ERV3-1: variants seen among roughly 807,000 people sequenced by gnomAD.
ERV3-1 encodes the protein endogenous retrovirus group 3 member 1 Env polyprotein.
Under a neutral mutation model 24.6 loss-of-function variants are expected in ERV3-1, and 36 were observed. The ratio of observed to expected loss-of-function variants is 1.47; its 90% CI spans 1.12 to 1.94. The LOEUF (loss-of-function observed/expected upper bound fraction) is 1.94, where lower values mean the gene tolerates loss of function less well. ERV3-1 is among the 30% of genes most tolerant of loss of function. The pLI is 0.00. For missense variants in ERV3-1, 578 were observed against 330.9 expected, an observed-to-expected ratio of 1.75 and a Z score of -5.79; for synonymous variants, 211 against 122.6, an observed-to-expected ratio of 1.72 and a Z score of -4.76.
chr7:65,001,979 T>G (rs1051024637), intron 1 of ERV3-1, among the ~76,000 whole-genome samples: 4 of 152,162 alleles, frequency 2.6e-5, no homozygotes, highest in African/African-American at 9.7e-5. Context: ...AGTTCAATAA[T>G]TTTATAGAGC....
chr7:64,992,400 C>T lies in ERV3-1; in HGVS notation c.627G>A (p.Gln209=). 1.3e-6 allele frequency: 1 copy of T among 766,402 alleles called. No homozygotes were observed. The highest frequency in any genetic ancestry group is 2.4e-6 in the Non-Finnish European group (1 of 417,910). 47.5% of individuals were successfully genotyped at this position (766,402 alleles called of 1,614,324 possible). A position where few individuals can be genotyped will look rare whatever the true frequency, so the allele number is the denominator to read the frequency against. The change falls in exon 2 of 2, where the codon CAG becomes CAA. Residue 209 remains glutamine, a synonymous_variant. Coordinates refer to ENST00000394323, the MANE Select transcript of ERV3-1 (RefSeq NM_001007253.4). ...SVNLTILEPD[Q]PIWTTGLKAP... ...CTTTTAAACCTGTTGTCCATATGGG[C>T]TGATCTGGCTCTAAGATGGTAAGAT...
Position 64,991,683 on chromosome 7 carries a change from T to A in ERV3-1, c.1344A>T (p.Leu448=). The A allele has an allele frequency of 1.4e-6, 1 of 733,516 alleles. No homozygotes were observed. The allele number at this position is 733,516 out of a possible 1,614,324, so 45.4% of individuals were successfully genotyped here. A position where few individuals can be genotyped will look rare whatever the true frequency, so the allele number is the denominator to read the frequency against. Residue 448 remains leucine (L), a synonymous_variant, in exon 2 of 2, where the codon CTA becomes CTT. Transcript: ENST00000394323. Reference sequence around the variant, plus strand: ...AGGCTTCTCCCTGTTTTAGGGGCATTAGGAAGAAGGACGGCCTAATTGTCC... The same window carrying A: ...AGGCTTCTCCCTGTTTTAGGGGCATAAGGAAGAAGGACGGCCTAATTGTCC... ...VLGTIRPSFF[L]MPLKQGEALG...
chr7:65,001,096 T>A (rs1056903344), intron 1 of ERV3-1, among the ~76,000 whole-genome samples: 1 of 145,600 alleles, frequency 6.9e-6, no homozygotes, highest in Non-Finnish European at 1.5e-5. Flanking sequence ...CTATGCTTAG[T>A]ACCTCAGTGA....
At chr7:64,997,032 C>T (rs146961815) in intron 1 of ERV3-1, among the ~76,000 whole-genome samples, 1 of 152,352 alleles carries the variant, frequency 6.6e-6, no homozygotes, top group Non-Finnish European at 1.5e-5. Context: ...TCATTGCCCT[C>T]TGGACATTCA....
rs1165002991 is a variant in ERV3-1, at chr7:64,992,393, A to G, written c.634T>C (p.Trp212Arg). 1 of 766,338 alleles carries G rather than the reference A, an allele frequency of 1.3e-6. No individual in the cohort carries two copies. Among genetic ancestry groups the G allele is most frequent in the Non-Finnish European group, 2.4e-6 (1 of 417,888 alleles). 47.5% of individuals were successfully genotyped at this position (766,338 alleles called of 1,614,324 possible). Residue 212 changes from tryptophan (W) to arginine (R), a missense_variant, in exon 2 of 2, where the codon TGG (tryptophan) becomes CGG (arginine). Coordinates refer to ENST00000394323, the MANE Select transcript of ERV3-1 (RefSeq NM_001007253.4). ...AGCGGTGCTTTTAAACCTGTTGTCC[A>G]TATGGGCTGATCTGGCTCTAAGATG... is the stretch of plus-strand genomic sequence containing the variant. ...LTILEPDQPIWTTGLKAPLGA... is the reference protein window; with the variant it reads ...LTILEPDQPIRTTGLKAPLGA...
chr7:64,994,756 T>C (rs1294526684), intron 1 of ERV3-1, among the ~76,000 whole-genome samples: 2 of 152,248 alleles, frequency 1.3e-5, no homozygotes, highest in Non-Finnish European at 2.9e-5. Context: ...TTGGAATCCG[T>C]GTAAACACTG....
chr7:64,992,854 A>C lies in ERV3-1; in HGVS notation c.173T>G (p.Leu58Arg). The C allele has an allele frequency of 1.3e-6, 1 of 766,358 alleles. No homozygotes were observed. Among genetic ancestry groups the C allele is most frequent in the Non-Finnish European group, 2.4e-6 (1 of 417,886 alleles). The allele number at this position is 766,358 out of a possible 1,614,324, so 47.5% of individuals were successfully genotyped here. ...HTYYECAGTC[L>R]GTCTHNQTTY... Reference sequence around the variant, plus strand: ...TGTCTGGTTGTGAGTACAAGTTCCTAGGCAGGTCCCAGCACACTCATAATA... The same window carrying C: ...TGTCTGGTTGTGAGTACAAGTTCCTCGGCAGGTCCCAGCACACTCATAATA... The change falls in exon 2 of 2, where the codon CTA (leucine) becomes CGA (arginine). Residue 58 changes from leucine (L) to arginine (R), a missense_variant. By Grantham distance (102) the Leu-to-Arg change is moderately radical (BLOSUM62 -2). Transcript: ENST00000394323.
intron 1 of ERV3-1, among the ~76,000 whole-genome samples, chr7:64,998,417 A>AT (rs1251849289): frequency 1.3e-5 from 2 of 152,172 alleles, no homozygotes; most frequent in Admixed American, 6.5e-5. Flanking sequence ...TACACGGCCA[A>AT]TTTTTTCCCT....
At chr7:65,004,571 T>G (rs1786596761) in intron 1 of ERV3-1, 1 of 152,198 alleles carries the variant, frequency 6.6e-6, no homozygotes, top group Admixed American at 6.5e-5. Flanking sequence ...TTCTTACCTT[T>G]TAAGCCCTAC....
In ERV3-1 at chr7:64,992,739, G is replaced by A. The variant is rs200164912; in HGVS notation, c.288C>T (p.Val96=). 5.6e-4 allele frequency: 426 copies of A among 766,338 alleles called. 3 individuals are homozygous for A. Among genetic ancestry groups the A allele is most frequent in the Admixed American group, 7.8e-4 (46 of 59,018 alleles). The allele number at this position is 766,338 out of a possible 1,614,324, so 47.5% of individuals were successfully genotyped here. A position where few individuals can be genotyped will look rare whatever the true frequency, so the allele number is the denominator to read the frequency against. Residue 96 remains valine (V), a synonymous_variant, in exon 2 of 2, where the codon GTC becomes GTT. Transcript: ENST00000394323. ...TTAGAAGATCCCCTTCCTTTGACCC[G>A]ACATGAATTTCAAACCAGGTCCCAG... ...SSPGTWFEIH[V]GSKEGDLLNQ... is the part of the protein sequence containing the mutation.
rs906722741 is a variant in ERV3-1 at position 64,993,200 on chromosome 7, T to C, written c.-174A>G. 5 of 587,916 alleles carry C rather than the reference T, an allele frequency of 8.5e-6. No homozygotes were observed. The highest frequency in any genetic ancestry group is 1.9e-5 in the African/African-American group (1 of 53,632). 36.4% of individuals were successfully genotyped at this position (587,916 alleles called of 1,614,324 possible). A position where few individuals can be genotyped will look rare whatever the true frequency, so the allele number is the denominator to read the frequency against. ...TAGACTAGTCAGCTTCTGGGGTGAC[T>C]AGAGCAGGGCTGTTGTCTCCTCAAG... On this transcript the variant is annotated 5_prime_UTR_variant, in exon 2 of 2. Transcript: ENST00000394323.
chr7:64,998,242 T>G (rs1786446706), intron 1 of ERV3-1, among the ~76,000 whole-genome samples: 1 of 152,212 alleles, frequency 6.6e-6, no homozygotes, highest in Non-Finnish European at 1.5e-5. Context: ...AAGCTGATTT[T>G]TCTTTTACTT....
In ERV3-1 at chr7:64,996,655, G is replaced by A. The variant is rs115755556; in HGVS notation, c.-388-3241C>T. ...TTCCTAGTAGAGGCACTGGATAATT[G>A]GGGAGATACAGGAATTTATGTTGGA... On this transcript the variant is annotated intron_variant, in intron 1 of 1. Transcript: ENST00000394323. 7.5e-3 allele frequency among the ~76,000 whole-genome samples: 1,143 copies of A among 152,238 alleles called. 17 individuals are homozygous for A. Among genetic ancestry groups the A allele is most frequent in the African/African-American group, 0.027 (1,104 of 41,524 alleles).
Position 64,992,995 on chromosome 7 carries a change from A to C in ERV3-1, c.32T>G (p.Leu11Trp), listed in dbSNP as rs1185289777. 1.3e-6 allele frequency: 1 copy of C among 764,498 alleles called. No homozygotes were observed. The highest frequency in any genetic ancestry group is 2.4e-6 in the Non-Finnish European group (1 of 416,662). 47.4% of individuals were successfully genotyped at this position (764,498 alleles called of 1,614,324 possible). A position where few individuals can be genotyped will look rare whatever the true frequency, so the allele number is the denominator to read the frequency against. ...CATGGATAAGGGGAGTAGCAAGAACAAAGTGATGAGTAGCATGTTCATACC... is the reference window on the plus strand; with the variant it reads ...CATGGATAAGGGGAGTAGCAAGAACCAAGTGATGAGTAGCATGTTCATACC... MLGMNMLLIT[L>W]FLLLPLSMLK... The change falls in exon 2 of 2, where the codon TTG becomes TGG. Residue 11 changes from leucine (L) to tryptophan (W), a missense_variant. By Grantham distance (61) the Leu-to-Trp change is moderately conservative (BLOSUM62 -2). Transcript: ENST00000394323.
rs1786657702 is a variant in ERV3-1, at chr7:65,006,632, G to A, written c.-480C>T. The A allele has an allele frequency of 1.9e-6, 3 of 1,541,154 alleles. No individual in the cohort carries two copies. The highest frequency in any genetic ancestry group is 2.3e-5 in the East Asian group (1 of 44,336). ...GGCCACAGAAGCTGGGCCTCTAGGA[G>A]CAGAAGACACAGAGCAGTGAAGACT... On this transcript the variant is annotated 5_prime_UTR_variant, in exon 1 of 2. Transcript: ENST00000394323.
chr7:64,999,951 A>G (rs1021345764), intron 1 of ERV3-1, among the ~76,000 whole-genome samples: 2 of 152,206 alleles, frequency 1.3e-5, no homozygotes, highest in Non-Finnish European at 2.9e-5. Flanking sequence ...CACTGCCTGT[A>G]GGAGTATAAC....
Position 64,993,136 on chromosome 7 carries a change from A to G in ERV3-1, c.-110T>C, listed in dbSNP as rs1786321857. The G allele has an allele frequency of 1.6e-6, 1 of 608,096 alleles. No individual in the cohort carries two copies. Among genetic ancestry groups the G allele is most frequent in the East Asian group, 2.7e-5 (1 of 36,532 alleles). The allele number at this position is 608,096 out of a possible 1,614,324, so 37.7% of individuals were successfully genotyped here. ...TACTGGACTTCAGATTTCTAACCAC[A>G]TTTACTTCCCTGATGATGACTCAAG... On this transcript the variant is annotated 5_prime_UTR_variant, in exon 2 of 2. An upstream start codon of the reference 5' UTR is lost. Coordinates refer to ENST00000394323, the MANE Select transcript of ERV3-1 (RefSeq NM_001007253.4).
rs772300966 is a variant in ERV3-1, at chr7:64,992,835, G to C, written c.192C>G (p.Asn64Lys). Residue 64 changes from asparagine (N) to lysine (K), a missense_variant, in exon 2 of 2, where the codon AAC becomes AAG. Transcript: ENST00000394323. ...GGTCACAGACTGAGTAGGTTGTCTG[G>C]TTGTGAGTACAAGTTCCTAGGCAGG... ...AGTCLGTCTH[N>K]QTTYSVCDPG... is the part of the protein sequence containing the mutation. 1.4e-5 allele frequency: 11 copies of C among 766,292 alleles called. No individual in the cohort carries two copies. The Admixed American group carries it at 1.9e-4, about 13-fold the overall frequency. The allele number at this position is 766,292 out of a possible 1,614,324, so 47.5% of individuals were successfully genotyped here.
chr7:64,997,928 T>C (rs1033494891), intron 1 of ERV3-1, among the ~76,000 whole-genome samples: 2 of 152,082 alleles, frequency 1.3e-5, no homozygotes, highest in Non-Finnish European at 2.9e-5. Flanking sequence ...CCCCTGTTCA[T>C]CATAATAGAT....
Sources: gnomAD v4.1 joint callset for allele counts (sites outside exome capture counted in the v4.1 genomes callset) on GRCh38, gnomAD v4.1.1 for gene constraint, MANE v1.5 for transcripts, NCBI Gene and HGNC (gene_info 2026-07-23, HGNC 2026-07-21) for gene names.